Variants in PTPN9 observed in about 807,000 individuals in gnomAD.
PTPN9 encodes the protein tyrosine-protein phosphatase non-receptor type 9.
PTPN9 carries 26 observed loss-of-function variants against 69.8 expected under a neutral mutation model. The observed-to-expected ratio is 0.37, with a 90% CI of 0.27 to 0.52. The LOEUF (loss-of-function observed/expected upper bound fraction) is 0.52, where lower values mean the gene tolerates loss of function less well. Among genes scored for constraint, PTPN9 ranks in the 20% least tolerant of loss-of-function variants. PTPN9 has a pLI of 0.91. For missense variants in PTPN9, 549 were observed against 740.3 expected (o/e 0.74, Z 3.00); for synonymous variants, 274 against 272.5 (o/e 1.01, Z -0.05).
intron 7 of PTPN9, among the ~76,000 whole-genome samples, chr15:75,503,977 G>A (rs2074794940): frequency 7.8e-6 from 1 of 127,536 alleles, no homozygotes; most frequent in African/African-American, 3.0e-5. Context: ...CGCCCCTACT[G>A]GGAAGTGAGG....
chr15:75,468,672 C>G lies in PTPN9; in HGVS notation c.*97G>C. 1.9e-6 allele frequency: 2 copies of G among 1,052,744 alleles called. No homozygotes were observed. Among genetic ancestry groups the G allele is most frequent in the Admixed American group, 2.1e-5 (1 of 47,816 alleles). 65.2% of individuals were successfully genotyped at this position (1,052,744 alleles called of 1,614,324 possible). A position where few individuals can be genotyped will look rare whatever the true frequency, so the allele number is the denominator to read the frequency against. ...TGGGAGACACAAGAAAGAAGTTGAT[C>G]CATGGCTTCAGCGTAACTGATGGCA... On this transcript the variant is annotated 3_prime_UTR_variant, in exon 13 of 13. Transcript: ENST00000618819.
rs541803599 is a variant in PTPN9, at chr15:75,487,709, A to T, written c.1062+2499T>A. ...TTACCCTCCAGCCAGCCAGTCTCTT[A>T]GCTCAAATGCTCCTGCAGGAAAATC... On this transcript the variant is annotated intron_variant, in intron 8 of 12. Transcript: ENST00000618819. The T allele has an allele frequency of 5.3e-5, 8 of 152,376 alleles. 1 individual carries two copies. In the South Asian group the frequency reaches 1.7e-3, roughly 32 times the overall value. 9.4% of individuals were successfully genotyped at this position (152,376 alleles called of 1,614,324 possible).
chr15:75,493,061 A>G (rs1434647251), intron 7 of PTPN9, among the ~76,000 whole-genome samples: 1 of 152,126 alleles, frequency 6.6e-6, no homozygotes, highest in African/African-American at 2.4e-5. Flanking sequence ...AAGCTGAGGT[A>G]GGAGGATCAC....
chr15:75,562,791 CAAAAAAAAA>C (rs60164759), intron 1 of PTPN9, among the ~76,000 whole-genome samples: 52 of 80,052 alleles, frequency 6.5e-4, no homozygotes, highest in East Asian at 2.7e-3. Context: ...AGACTCGTTT[CAAAAAAAAA>C]AAAAAAAAAA....
At chr15:75,471,031 TAC>T in intron 10 of PTPN9, 1 of 620,812 alleles carries the variant, frequency 1.6e-6, no homozygotes, top group Non-Finnish European at 2.7e-6. Context: ...TTTCTGCATG[TAC>T]TCATATAGCA....
At chr15:75,565,525 C>T (rs1439736786) in intron 1 of PTPN9, among the ~76,000 whole-genome samples, 1 of 152,120 alleles carries the variant, frequency 6.6e-6, no homozygotes, top group Non-Finnish European at 1.5e-5. Flanking sequence ...CCTCTATCCA[C>T]TAGATGCCAG....
At chr15:75,550,354 C>CGG (rs2075052038) in intron 1 of PTPN9, among the ~76,000 whole-genome samples, 1 of 151,448 alleles carries the variant, frequency 6.6e-6, no homozygotes, top group Non-Finnish European at 1.5e-5. Flanking sequence ...TCAGTAGAGA[C>CGG]GGGGTTTCAC....
intron 1 of PTPN9, among the ~76,000 whole-genome samples, chr15:75,554,709 G>A (rs1032303189): frequency 6.6e-6 from 1 of 152,166 alleles, no homozygotes; most frequent in African/African-American, 2.4e-5. Flanking sequence ...GGTACAAGTT[G>A]ATCAGCTTAT....
Position 75,473,759 on chromosome 15 carries a change from C to T in PTPN9, c.1138G>A (p.Glu380Lys). The change falls in exon 10 of 13, where the codon GAG becomes AAG. Residue 380 changes from glutamate (E) to lysine (K), a missense_variant. Glu to Lys is a moderately conservative substitution (Grantham distance 56). Coordinates refer to ENST00000618819, the MANE Select transcript of PTPN9 (RefSeq NM_002833.4). ...NAYIGTQGPL[E>K]NTYRDFWLMV... ...AGCCAGAAATCACGATAGGTATTCT[C>T]CAAAGGACCTGAAATAAAAGGAGAA... 1 of 1,572,946 alleles carries T rather than the reference C, an allele frequency of 6.4e-7. No individual in the cohort carries two copies.
intron 5 of PTPN9, chr15:75,512,766 A>G: frequency 3.7e-6 from 1 of 267,062 alleles, no homozygotes; most frequent in Admixed American, 3.9e-5. Flanking sequence ...CCCAGAAAAG[A>G]CGCTATTCTC....
At chr15:75,481,812 C>A (rs1457425416) in intron 8 of PTPN9, among the ~76,000 whole-genome samples, 2 of 134,336 alleles carry the variant, frequency 1.5e-5, no homozygotes, top group African/African-American at 5.5e-5. Context: ...CGGCCAGCCG[C>A]CCCGTCCGGG....
chr15:75,577,000 A>AAC (rs911196707), intron 1 of PTPN9, among the ~76,000 whole-genome samples: 27 of 151,956 alleles, frequency 1.8e-4, no homozygotes, highest in Admixed American at 1.2e-3. Flanking sequence ...AGATTTTAAA[A>AAC]ACACACACAC....
intron 5 of PTPN9, chr15:75,513,019 A>G (rs1194427273): frequency 1.0e-5 from 4 of 398,812 alleles, no homozygotes; most frequent in Non-Finnish European, 2.0e-5. Flanking sequence ...CCTTGAGGAA[A>G]GGTTTGGGAT....
At chr15:75,543,938 T>C (rs10851882) in intron 1 of PTPN9, among the ~76,000 whole-genome samples, 84,971 of 151,966 alleles carry the variant, frequency 0.56, 24,581 homozygotes, top group African/African-American at 0.71. Flanking sequence ...ACTGCTAGCC[T>C]TAGATGGGGA....
chr15:75,575,399 C>G (rs1595974713), intron 1 of PTPN9, among the ~76,000 whole-genome samples: 1 of 152,018 alleles, frequency 6.6e-6, no homozygotes, highest in Admixed American at 6.6e-5. Context: ...AGATTTTTTG[C>G]TATTTACAGA....
At chr15:75,554,618 T>G (rs1039977575) in intron 1 of PTPN9, among the ~76,000 whole-genome samples, 1 of 152,174 alleles carries the variant, frequency 6.6e-6, no homozygotes. Flanking sequence ...TGAGCCACCA[T>G]GCCCGGCCTA....
rs911635343 is a variant in PTPN9, at chr15:75,484,150, A to G, written c.1063-4236T>C. Among the ~76,000 whole-genome samples the G allele has an allele frequency of 4.6e-5, 7 of 152,316 alleles. No individual in the cohort carries two copies. The East Asian group carries it at 1.2e-3, about 25-fold the overall frequency. The stretch of plus-strand genomic sequence containing the variant: ...CTAATGACGGTCTCAAGTAATAACA[A>G]TAGTAACTGCCCTAGTGACATCTCA... On this transcript the variant is annotated intron_variant, in intron 8 of 12. Coordinates refer to ENST00000618819, the MANE Select transcript of PTPN9 (RefSeq NM_002833.4).
chr15:75,570,185 T>C (rs1304730737), intron 1 of PTPN9: 1 of 152,182 alleles, frequency 6.6e-6, no homozygotes, highest in African/African-American at 2.4e-5. Context: ...TTACTTACAG[T>C]ATCATAAACT....
At chr15:75,569,096 A>G (rs995885296) in intron 1 of PTPN9, among the ~76,000 whole-genome samples, 2 of 152,186 alleles carry the variant, frequency 1.3e-5, no homozygotes, top group African/African-American at 4.8e-5. Flanking sequence ...AAATGTTAAA[A>G]TAATTGATTA....
Sources: allele counts gnomAD v4.1 joint callset (sites outside exome capture counted in the v4.1 genomes callset), GRCh38; gene constraint gnomAD v4.1.1; transcripts MANE v1.5; gene names NCBI Gene and HGNC (gene_info 2026-07-23, HGNC 2026-07-21).